EFTUD2: variants seen among roughly 807,000 people sequenced by gnomAD.
EFTUD2 encodes elongation factor Tu GTP binding domain containing 2, also known as 116 kDa U5 small nuclear ribonucleoprotein component.
A neutral mutation model predicts 114.3 loss-of-function variants in EFTUD2; 9 were observed. That is an observed-to-expected ratio of 0.08 (90% CI 0.05 to 0.14). The LOEUF (loss-of-function observed/expected upper bound fraction) is 0.14. Among genes scored for constraint, EFTUD2 ranks in the 10% least tolerant of loss-of-function variants. The pLI is 1.00. For synonymous variants in EFTUD2, 449 were observed against 462.3 expected (o/e 0.97, Z 0.37); for missense variants, 765 against 1,241.2 (o/e 0.62, Z 5.76).
At chr17:44,870,778 G>T (rs1190432980) in intron 11 of EFTUD2, among the ~76,000 whole-genome samples, 1 of 152,096 alleles carries the variant, frequency 6.6e-6, no homozygotes, top group Non-Finnish European at 1.5e-5. Context: ...CCAGCACTTT[G>T]AGAGGCCGAG....
chr17:44,889,138 G>A (rs184386379), intron 2 of EFTUD2, among the ~76,000 whole-genome samples: 2 of 152,300 alleles, frequency 1.3e-5, no homozygotes, highest in African/African-American at 4.8e-5. Context: ...ATTTTAAAGA[G>A]GAGGGAATGA....
intron 16 of EFTUD2, 127 bp downstream of exon 16, chr17:44,862,586 A>G (rs1597797582): frequency 1.2e-6 from 1 of 850,502 alleles, no homozygotes; most frequent in Non-Finnish European, 1.8e-6. Flanking sequence ...GCGGAGGGAG[A>G]GCCACTTTAT....
In EFTUD2 at chr17:44,880,572, T is replaced by G. The variant is rs1372470387; in HGVS notation, c.601A>C (p.Asn201His). The change falls in exon 8 of 28, where the codon AAT becomes CAT. Residue 201 changes from asparagine to histidine, a missense_variant. Coordinates refer to ENST00000426333, the MANE Select transcript of EFTUD2 (RefSeq NM_004247.4). ...PDTKGKSYLF[N>H]IMDTPGHVNF... Reference sequence around the variant, plus strand: ...GTCCTACCTGGAGTGTCCATGATATTGAAGAGATAAGATTTTCCTTTGGTG... The same window carrying G: ...GTCCTACCTGGAGTGTCCATGATATGGAAGAGATAAGATTTTCCTTTGGTG... The G allele has an allele frequency of 6.2e-7, 1 of 1,613,622 alleles. No homozygotes were observed. Among genetic ancestry groups the G allele is most frequent in the Non-Finnish European group, 8.5e-7 (1 of 1,179,616 alleles).
chr17:44,878,158 A>T (rs1216307338), intron 9 of EFTUD2, among the ~76,000 whole-genome samples: 2 of 152,174 alleles, frequency 1.3e-5, no homozygotes, highest in Admixed American at 1.3e-4. Context: ...AAACAGAAGG[A>T]ATAAGAAGAG....
chr17:44,881,602 C>A (rs2051074103), intron 7 of EFTUD2, 85 bp downstream of exon 7: 2 of 1,429,930 alleles, frequency 1.4e-6, no homozygotes, highest in African/African-American at 2.8e-5. Context: ...AAAATGCTAT[C>A]ATAAAGGCTC....
chr17:44,865,172 CTCTCT>C, intron 13 of EFTUD2, 107 bp from the exon 14 acceptor site: 1 of 1,477,738 alleles, frequency 6.8e-7, no homozygotes, highest in East Asian at 2.4e-5. Flanking sequence ...CTTCACAAGG[CTCTCT>C]TCTATGGAGA....
intron 13 of EFTUD2, 81 bp downstream of exon 13, chr17:44,867,726 C>A: frequency 1.6e-6 from 2 of 1,261,350 alleles, no homozygotes; most frequent in Non-Finnish European, 1.1e-6. Flanking sequence ...GGTTTAGGGA[C>A]AGAGGGAAGT....
chr17:44,880,471 G>T, intron 8 of EFTUD2, 83 bp downstream of exon 8: 1 of 1,004,522 alleles, frequency 1.0e-6, no homozygotes, highest in Non-Finnish European at 1.5e-6. Context: ...AAGATGCACT[G>T]CTCCGTTCTG....
At chr17:44,883,511 G>A (rs1282512657) in intron 5 of EFTUD2, 138 bp downstream of exon 5, 15 of 819,466 alleles carry the variant, frequency 1.8e-5, no homozygotes, top group East Asian at 5.0e-5. Context: ...GTATGACTTC[G>A]TAACAGGCAT....
intron 2 of EFTUD2, among the ~76,000 whole-genome samples, chr17:44,893,983 T>C (rs1441657468): frequency 6.6e-6 from 1 of 151,668 alleles, no homozygotes; most frequent in African/African-American, 2.4e-5. Context: ...GCATTGAGAA[T>C]TGCTTGGACC....
At position 44,851,380 on chromosome 17, in the gene EFTUD2, T is replaced by C; in HGVS notation, c.2824-11A>G. ...ATCTTCACTGAGGCCCTGCAGGGAA[T>C]GGGGCAAATATAAGAAAGCCCGAGG... On this transcript the variant is annotated splice_polypyrimidine_tract_variant and intron_variant, in intron 27 of 27. Transcript: ENST00000426333. The C allele has an allele frequency of 6.2e-7, 1 of 1,609,498 alleles. No homozygotes were observed. The highest frequency in any genetic ancestry group is 8.5e-7 in the Non-Finnish European group (1 of 1,176,364).
intron 15 of EFTUD2, chr17:44,863,107 T>A: frequency 8.9e-6 from 3 of 336,406 alleles, no homozygotes; most frequent in Non-Finnish European, 1.6e-5. Context: ...AATATTCTCC[T>A]CTTTTTTTTT....
At chr17:44,878,690 T>C (rs1597814258) in intron 9 of EFTUD2, among the ~76,000 whole-genome samples, 1 of 148,886 alleles carries the variant, frequency 6.7e-6, no homozygotes, top group African/African-American at 2.5e-5. Context: ...TCTGTGTGTG[T>C]CTGAACGTGT....
At chr17:44,877,149 T>C (rs74815784) in intron 9 of EFTUD2, among the ~76,000 whole-genome samples, 14,099 of 152,028 alleles carry the variant, frequency 0.093, 772 homozygotes, top group East Asian at 0.14. Flanking sequence ...TGAGGTATAA[T>C]TGTACCATTG....
At position 44,854,054 on chromosome 17, in the gene EFTUD2, A is replaced by T; in HGVS notation, c.2347+215T>A. On this transcript the variant is annotated intron_variant, in intron 23 of 27. Transcript: ENST00000426333. This position sits in a 1 kb window ranked among gnomAD's most constrained non-coding sequence, Gnocchi z 4.3. Reference sequence around the variant, plus strand: ...AAACCCTTCTCAGAAATGAGGAGCAAATGACAGTTTAGAAATGACTTAAAT... The same window carrying T: ...AAACCCTTCTCAGAAATGAGGAGCATATGACAGTTTAGAAATGACTTAAAT... The T allele has an allele frequency of 7.2e-7, 1 of 1,387,740 alleles. No homozygotes were observed. The highest frequency in any genetic ancestry group is 1.8e-5 in the South Asian group (1 of 56,230). The allele number at this position is 1,387,740 out of a possible 1,614,324, so 86.0% of individuals were successfully genotyped here.
chr17:44,886,736 GTCA>G lies in EFTUD2; in HGVS notation c.117_119del (p.Asp44del). 6.2e-7 allele frequency: 1 copy of G among 1,613,436 alleles called. No individual in the cohort carries two copies. The highest frequency in any genetic ancestry group is 8.5e-7 in the Non-Finnish European group (1 of 1,179,826). The stretch of plus-strand genomic sequence containing the variant: ...CATGATCTCCTACGTCATCGTCGTC[GTCA>G]TCATCATCCATCTGAAAGCAAGAGG... On this transcript the variant is annotated inframe_deletion, in exon 3 of 28. Transcript: ENST00000426333.
intron 19 of EFTUD2, among the ~76,000 whole-genome samples, chr17:44,858,262 G>T (rs1567732024): frequency 6.6e-6 from 1 of 151,862 alleles, no homozygotes; most frequent in Non-Finnish European, 1.5e-5. Context: ...TTGAGACAGG[G>T]TCTTGCTCTG....
intron 26 of EFTUD2, 106 bp from the exon 27 acceptor site, chr17:44,851,923 T>C: frequency 9.7e-7 from 1 of 1,025,946 alleles, no homozygotes; most frequent in South Asian, 1.8e-5. Flanking sequence ...TATTACTTAT[T>C]ATTATTTTTT....
intron 12 of EFTUD2, 63 bp from the exon 13 acceptor site, chr17:44,867,960 G>T: frequency 6.9e-7 from 1 of 1,452,284 alleles, no homozygotes; most frequent in South Asian, 1.3e-5. Context: ...ATCCCAAGAG[G>T]CATTGTCTAA....
Sources: gnomAD v4.1 joint callset for allele counts (sites outside exome capture counted in the v4.1 genomes callset) on GRCh38, gnomAD v4.1.1 for gene constraint, Gnocchi (gnomAD v3.1) non-coding constraint, MANE v1.5 for transcripts, NCBI Gene and HGNC (gene_info 2026-07-23, HGNC 2026-07-21) for gene names.